Variants in GALNTL5 observed in about 807,000 individuals in gnomAD.
GALNTL5 encodes polypeptide N-acetylgalactosaminyltransferase like 5.
Under a neutral mutation model 51.0 loss-of-function variants are expected in GALNTL5, and 44 were observed. The ratio of observed to expected loss-of-function variants is 0.86; its 90% CI spans 0.68 to 1.11. The LOEUF (loss-of-function observed/expected upper bound fraction) is 1.11, where lower values mean the gene tolerates loss of function less well. Among genes scored for constraint, GALNTL5 ranks in the 50% least tolerant of loss-of-function variants. The probability of loss-of-function intolerance (pLI) is 0.00; values close to 1 mark genes in which losing one functional copy is unlikely to be tolerated. For synonymous variants in GALNTL5, 192 were observed against 182.8 expected (o/e 1.05, Z -0.41); for missense variants, 528 against 531.8 (o/e 0.99, Z 0.07).
intron 4 of GALNTL5, chr7:151,985,937 A>T (rs1256565265): frequency 6.6e-6 from 1 of 152,306 alleles, no homozygotes; most frequent in African/African-American, 2.4e-5. Context: ...TGGGATTACC[A>T]TGAACCTGTT....
In GALNTL5 at chr7:152,019,661, C is replaced by T. The variant is rs200861829; in HGVS notation, c.1192C>T (p.Arg398Ter). 8.7e-6 allele frequency: 14 copies of T among 1,608,812 alleles called. No homozygotes were observed. The highest frequency in any genetic ancestry group is 6.8e-5 in the Admixed American group (4 of 58,868). The change falls in exon 9 of 9, where the codon CGA (arginine) becomes TGA (stop). Residue 398 changes from arginine to a stop codon, truncating the protein, a stop_gained. Coordinates refer to ENST00000392800, the MANE Select transcript of GALNTL5 (RefSeq NM_145292.4). LOFTEE classifies it high-confidence loss of function. ...TTTCATTTAGGAGCAGTTTTTTCTT[C>T]GAAAGCCTGGTCTGAAATATGTCAC... ...LDEYKEQFFL[R>*]KPGLKYVTYG...
chr7:151,981,298 A>G (rs1471286561), intron 3 of GALNTL5, among the ~76,000 whole-genome samples: 2 of 152,190 alleles, frequency 1.3e-5, no homozygotes, highest in African/African-American at 2.4e-5. Flanking sequence ...CTTCTATCTG[A>G]ATACTTACTG....
intron 7 of GALNTL5, among the ~76,000 whole-genome samples, chr7:152,010,203 C>T (rs760660034): frequency 6.6e-6 from 1 of 152,022 alleles, no homozygotes; most frequent in African/African-American, 2.4e-5. Context: ...ATCTCCGCCT[C>T]CCAGGTTCAA....
intron 5 of GALNTL5, among the ~76,000 whole-genome samples, chr7:151,994,112 C>A (rs1377156192): frequency 6.6e-6 from 1 of 152,120 alleles, no homozygotes; most frequent in African/African-American, 2.4e-5. Flanking sequence ...TGGCCCTTTG[C>A]CAGCACTTGC....
At chr7:152,003,803 AT>A (rs1025994655) in intron 6 of GALNTL5, among the ~76,000 whole-genome samples, 2 of 152,236 alleles carry the variant, frequency 1.3e-5, no homozygotes, top group African/African-American at 4.8e-5. Flanking sequence ...TTGGTTTATA[AT>A]TTTTGTAATA....
chr7:151,991,658 A>G (rs2081430364), intron 5 of GALNTL5, among the ~76,000 whole-genome samples: 1 of 152,048 alleles, frequency 6.6e-6, no homozygotes, highest in Non-Finnish European at 1.5e-5. Context: ...CTATGATGGT[A>G]TTTTTGTATT....
intron 8 of GALNTL5, among the ~76,000 whole-genome samples, chr7:152,017,167 G>C (rs372687601): frequency 1.3e-5 from 2 of 152,106 alleles, no homozygotes; most frequent in Admixed American, 1.3e-4. Flanking sequence ...CCATCATAGC[G>C]TGTACCTACA....
chr7:152,013,818 G>A lies in GALNTL5; in HGVS notation c.1027-826G>A, dbSNP rs73475776. On this transcript the variant is annotated intron_variant, in intron 7 of 8. Coordinates refer to ENST00000392800, the MANE Select transcript of GALNTL5 (RefSeq NM_145292.4). ...TACCTGGGTTAATATTGACTCACTCGGAATGTTAGGACAAGAAGTGAATTG... is the reference window on the plus strand; with the variant it reads ...TACCTGGGTTAATATTGACTCACTCAGAATGTTAGGACAAGAAGTGAATTG... Among the ~76,000 whole-genome samples, 928 of 152,236 alleles carry A rather than the reference G, an allele frequency of 6.1e-3. 5 individuals are homozygous for A. Among genetic ancestry groups the A allele is most frequent in the African/African-American group, 0.021 (883 of 41,530 alleles).
At position 152,007,978 on chromosome 7, in the gene GALNTL5, A is replaced by C. The variant is rs2081672274; in HGVS notation, c.1026+34A>C. On this transcript the variant is annotated intron_variant, in intron 7 of 8. Coordinates refer to ENST00000392800, the MANE Select transcript of GALNTL5 (RefSeq NM_145292.4). The stretch of plus-strand genomic sequence containing the variant: ...GATTTCATTTTTAAAATAGCTATAG[A>C]GAGTGAAACCTAACTTTGTCACATA... 2.6e-6 allele frequency: 3 copies of C among 1,156,284 alleles called. No homozygotes were observed. The South Asian group carries it at 3.8e-5, about 15-fold the overall frequency. 71.6% of individuals were successfully genotyped at this position (1,156,284 alleles called of 1,614,324 possible).
At chr7:152,007,346 G>A (rs987636205) in intron 6 of GALNTL5, among the ~76,000 whole-genome samples, 2 of 149,152 alleles carry the variant, frequency 1.3e-5, no homozygotes, top group Non-Finnish European at 1.5e-5. Flanking sequence ...GCCTACTTTT[G>A]TTGTGGTTTT....
chr7:151,982,773 A>C, intron 3 of GALNTL5: 4 of 998,640 alleles, frequency 4.0e-6, no homozygotes, highest in Non-Finnish European at 5.9e-6. Flanking sequence ...ACTGACATTA[A>C]GAAGGGGGAA....
chr7:151,987,286 G>A lies in GALNTL5; in HGVS notation c.658+5G>A. On this transcript the variant is annotated splice_donor_5th_base_variant and intron_variant, in intron 5 of 8. Transcript: ENST00000392800. The stretch of plus-strand genomic sequence containing the variant: ...TTGGAGCTTCTCATGCTTCAGGTAG[G>A]AACATTCCTGGGGACAAGAGCCAGT... 1 of 1,564,710 alleles carries A rather than the reference G, an allele frequency of 6.4e-7. No homozygotes were observed. Among genetic ancestry groups the A allele is most frequent in the East Asian group, 2.3e-5 (1 of 42,904 alleles).
In GALNTL5 at chr7:152,007,715, G is replaced by C. The variant is rs1178356527; in HGVS notation, c.909-112G>C. 5.4e-6 allele frequency: 4 copies of C among 740,788 alleles called. No homozygotes were observed. In the South Asian group the frequency reaches 6.2e-5, roughly 11 times the overall value. 45.9% of individuals were successfully genotyped at this position (740,788 alleles called of 1,614,324 possible). A position where few individuals can be genotyped will look rare whatever the true frequency, so the allele number is the denominator to read the frequency against. On this transcript the variant is annotated intron_variant, in intron 6 of 8. Transcript: ENST00000392800. ...TTACAGGCATGAGCCTCCACACCCG[G>C]CCTGTTTTCTCATTTTAAACTATAA... is the stretch of plus-strand genomic sequence containing the variant.
intron 7 of GALNTL5, among the ~76,000 whole-genome samples, chr7:152,010,780 A>T (rs930352292): frequency 4.2e-5 from 6 of 142,960 alleles, no homozygotes; most frequent in Non-Finnish European, 8.0e-5. Context: ...AAAAAAAAAA[A>T]AATTATTTTT....
chr7:151,996,260 A>T (rs548128445), intron 5 of GALNTL5, among the ~76,000 whole-genome samples: 498 of 152,004 alleles, frequency 3.3e-3, no homozygotes, highest in Middle Eastern at 3.4e-3. Context: ...CACAATGTGC[A>T]GGTTAGTTAC....
chr7:152,013,902 T>C (rs1480349288), intron 7 of GALNTL5, among the ~76,000 whole-genome samples: 1 of 152,224 alleles, frequency 6.6e-6, no homozygotes, highest in African/African-American at 2.4e-5. Context: ...TATTTTACTT[T>C]TGTGTAGTAA....
At chr7:151,963,432 G>A (rs965650028) in intron 1 of GALNTL5, among the ~76,000 whole-genome samples, 11 of 152,192 alleles carry the variant, frequency 7.2e-5, no homozygotes, top group African/African-American at 1.2e-4. Flanking sequence ...GAGTCTCACT[G>A]TGTTGCCCAG....
intron 7 of GALNTL5, among the ~76,000 whole-genome samples, chr7:152,014,401 G>A (rs932348554): frequency 3.3e-5 from 5 of 152,164 alleles, no homozygotes. Flanking sequence ...CCAAGTAGCT[G>A]GGATTACAGG....
Position 152,019,702 on chromosome 7 carries a change from C to T in GALNTL5, c.1233C>T (p.Arg411=), listed in dbSNP as rs776069381. ...GLKYVTYGNI[R]ERVELRKRLG... is the part of the protein sequence containing the mutation. Reference sequence around the variant, plus strand: ...AATATGTCACCTACGGAAATATTCGCGAGCGTGTTGAGTTAAGGAAACGAC... The same window carrying T: ...AATATGTCACCTACGGAAATATTCGTGAGCGTGTTGAGTTAAGGAAACGAC... The change falls in exon 9 of 9, where the codon CGC becomes CGT. Residue 411 remains arginine (R), a synonymous_variant. Transcript: ENST00000392800. 1.4e-5 allele frequency: 22 copies of T among 1,613,412 alleles called. No homozygotes were observed. The East Asian group carries it at 2.5e-4, about 18-fold the overall frequency.
Sources: gnomAD v4.1 joint callset for allele counts (sites outside exome capture counted in the v4.1 genomes callset) on GRCh38, gnomAD v4.1.1 for gene constraint, MANE v1.5 for transcripts, NCBI Gene and HGNC (gene_info 2026-07-23, HGNC 2026-07-21) for gene names.